The following SLC6A14 variants were observed in gnomAD, a reference collection of about 807,000 sequenced individuals.
SLC6A14 encodes the protein sodium- and chloride-dependent neutral and basic amino acid transporter B(0+).
Under a neutral mutation model 51.4 loss-of-function variants are expected in SLC6A14, and 21 were observed. That is an observed-to-expected ratio of 0.41 (90% CI 0.29 to 0.59). The LOEUF (loss-of-function observed/expected upper bound fraction) is 0.59, where lower values mean the gene tolerates loss of function less well. Ranked by LOEUF, SLC6A14 falls within the 20% of genes least tolerant of loss-of-function variation. The probability of loss-of-function intolerance (pLI) is 0.31; values close to 1 mark genes in which losing one functional copy is unlikely to be tolerated. For missense variants in SLC6A14, 371 were observed against 472.8 expected (o/e 0.78, Z 2.00); for synonymous variants, 177 against 160.7 (o/e 1.10, Z -0.77).
rs1231603549 is a variant in SLC6A14 at position 116,436,681 on chromosome X, C to T, written c.-29C>T. On this transcript the variant is annotated 5_prime_UTR_variant, in exon 1 of 14. Transcript: ENST00000598581. ...AGCTCAGCCAGACTGCAAGAGGAGG[C>T]GAGGCGGAGCCAGCCGAGGGAGTGA... is the stretch of plus-strand genomic sequence containing the variant. 47 of 1,155,972 alleles carry T rather than the reference C, an allele frequency of 4.1e-5. No individual in the cohort carries two copies. Among genetic ancestry groups the T allele is most frequent in the Non-Finnish European group, 5.4e-5 (47 of 866,765 alleles).
Position 116,453,068 on chromosome X carries a change from GTGGTCCATTT to G in SLC6A14, c.1220_1229del (p.Phe407TyrfsTer8). On this transcript the variant is annotated frameshift_variant, in exon 9 of 14. Coordinates refer to ENST00000598581, the MANE Select transcript of SLC6A14 (RefSeq NM_007231.5). LOFTEE classifies it high-confidence loss of function. ...CCAGAGGCTCTAGCCCAACTCCCAG[GTGGTCCATTT>G]TGGTCCATATTATTTTTTTTCATGC... 1 of 1,199,479 alleles carries G rather than the reference GTGGTCCATTT, an allele frequency of 8.3e-7. No individual in the cohort carries two copies. The highest frequency in any genetic ancestry group is 1.1e-6 in the Non-Finnish European group (1 of 887,015).
chrX:116,441,771 T>C (rs1556693689), intron 3 of SLC6A14, among the ~76,000 whole-genome samples: 1 of 111,891 alleles, frequency 8.9e-6, no homozygotes, highest in Non-Finnish European at 1.9e-5. Flanking sequence ...TGGAGTTATA[T>C]TCAGCACGCT....
intron 10 of SLC6A14, among the ~76,000 whole-genome samples, 189 bp downstream of exon 10, chrX:116,454,631 A>G (rs1234647712): frequency 9.0e-6 from 1 of 110,921 alleles, no homozygotes; most frequent in African/African-American, 3.3e-5. Context: ...GCAGATGAGG[A>G]GGCCGAATAA....
In SLC6A14 at chrX:116,460,241, T is replaced by G. The variant is rs1391416033; in HGVS notation, c.*1286T>G. ...GAGAGTCCGTAGGTTTATCAGAATA[T>G]CAAGGAAAACTGTGACCCAAAGAAG... On this transcript the variant is annotated 3_prime_UTR_variant, in exon 14 of 14. Transcript: ENST00000598581. The G allele has an allele frequency of 2.7e-5, 3 of 111,757 alleles. No individual in the cohort carries two copies. The highest frequency in any genetic ancestry group is 3.8e-5 in the Non-Finnish European group (2 of 53,129). 9.2% of individuals were successfully genotyped at this position (111,757 alleles called of 1,213,427 possible).
intron 5 of SLC6A14, among the ~76,000 whole-genome samples, chrX:116,444,638 A>C (rs1251478178): frequency 1.8e-5 from 2 of 111,945 alleles, no homozygotes; most frequent in African/African-American, 3.2e-5. Flanking sequence ...ATCTTGAAAC[A>C]GAGGAAAGTA....
intron 4 of SLC6A14, among the ~76,000 whole-genome samples, chrX:116,443,051 C>A (rs782290997): frequency 9.1e-6 from 1 of 110,478 alleles, no homozygotes; most frequent in Non-Finnish European, 1.9e-5. Flanking sequence ...TAAATCATGC[C>A]TAAGAGTACT....
chrX:116,446,725 T>A lies in SLC6A14; in HGVS notation c.790-16T>A, dbSNP rs781974974. ...TTAAAAATAATTTACTAATTTTTGG[T>A]TACTTTTCTTGGTAGGTGGTATATT... On this transcript the variant is annotated splice_polypyrimidine_tract_variant and intron_variant, in intron 6 of 13. Transcript: ENST00000598581. 1 of 1,182,146 alleles carries A rather than the reference T, an allele frequency of 8.5e-7. No individual in the cohort carries two copies. Among genetic ancestry groups the A allele is most frequent in the South Asian group, 1.8e-5 (1 of 55,578 alleles).
rs1556694872 is a variant in SLC6A14 at position 116,457,702 on chromosome X, A to T, written c.1708A>T (p.Ile570Phe). Residue 570 changes from isoleucine (I) to phenylalanine (F), a missense_variant, in exon 13 of 14, where the codon ATT (isoleucine) becomes TTT (phenylalanine). This residue lies in a region of SLC6A14 where 94 missense variants were observed against 81.0 expected (regional missense o/e 1.16). Transcript: ENST00000598581. The stretch of plus-strand genomic sequence containing the variant: ...GGGAGTTGCTTTAGGCTGGTGTATG[A>T]TTGTTTTCTGCATTATTTGGATTCC... ...DWGVALGWCM[I>F]VFCIIWIPIM... The T allele has an allele frequency of 8.3e-7, 1 of 1,202,103 alleles. No homozygotes were observed. Among genetic ancestry groups the T allele is most frequent in the Non-Finnish European group, 1.1e-6 (1 of 886,904 alleles).
intron 3 of SLC6A14, among the ~76,000 whole-genome samples, chrX:116,442,076 G>A (rs1463357332): frequency 9.0e-6 from 1 of 111,212 alleles, no homozygotes; most frequent in Admixed American, 9.6e-5. Context: ...AATAAACATG[G>A]GTTTTTCTTT....
chrX:116,451,764 C>G (rs1927829522), intron 8 of SLC6A14, 94 bp downstream of exon 8: 2 of 500,877 alleles, frequency 4.0e-6, no homozygotes, highest in Admixed American at 8.3e-5. Flanking sequence ...TTGACACAGT[C>G]ATGATTTAGA....
chrX:116,447,852 C>T (rs781894221), intron 7 of SLC6A14, among the ~76,000 whole-genome samples: 39 of 111,401 alleles, frequency 3.5e-4, no homozygotes, highest in Admixed American at 1.9e-3. Flanking sequence ...CCGCCTTGGC[C>T]TCCCAAAGTG....
intron 7 of SLC6A14, among the ~76,000 whole-genome samples, chrX:116,448,540 G>C (rs1356498510): frequency 1.8e-5 from 2 of 111,773 alleles, no homozygotes; most frequent in African/African-American, 6.5e-5. Context: ...GATAAATTAT[G>C]TTAATGTACT....
chrX:116,439,673 A>G (rs1556693518), intron 2 of SLC6A14, among the ~76,000 whole-genome samples: 2 of 111,348 alleles, frequency 1.8e-5, no homozygotes, highest in Non-Finnish European at 3.8e-5. Context: ...TTTAACAAAA[A>G]ATACCTGTTC....
intron 11 of SLC6A14, 49 bp from the exon 12 acceptor site, chrX:116,455,308 C>A: frequency 9.8e-7 from 1 of 1,017,410 alleles, no homozygotes; most frequent in South Asian, 2.0e-5. Flanking sequence ...ATAATGGTTA[C>A]TGGAAGAAAA....
chrX:116,444,944 G>A lies in SLC6A14; in HGVS notation c.683G>A (p.Gly228Glu), dbSNP rs782135619. 9.1e-6 allele frequency: 11 copies of A among 1,208,046 alleles called. No individual in the cohort carries two copies. Among genetic ancestry groups the A allele is most frequent in the Non-Finnish European group, 1.2e-5 (11 of 893,676 alleles). Residue 228 changes from glycine to glutamate, a missense_variant, in exon 6 of 14, where the codon GGA becomes GAA. Gly to Glu is a moderately conservative substitution (Grantham distance 98). This residue lies in a region of SLC6A14 where 277 missense variants were observed against 391.8 expected (regional missense o/e 0.71). Transcript: ENST00000598581. Reference sequence around the variant, plus strand: ...AAAGTGGCGCTCCAACGGTCAAGTGGAATGAATGAGACTGGAGTAATTGTT... The same window carrying A: ...AAAGTGGCGCTCCAACGGTCAAGTGAAATGAATGAGACTGGAGTAATTGTT... Reference protein sequence around the residue: ...WNKVALQRSSGMNETGVIVWY... With the variant: ...WNKVALQRSSEMNETGVIVWY...
At position 116,436,755 on chromosome X, in the gene SLC6A14, G is replaced by C; in HGVS notation, c.46G>C (p.Glu16Gln). The change falls in exon 1 of 14, where the codon GAG (glutamate) becomes CAG (glutamine). Residue 16 changes from glutamate (E) to glutamine (Q), a missense_variant and splice_region_variant. Glu to Gln is a conservative substitution (Grantham distance 29). Around this residue, in one of 2 missense-constraint regions of SLC6A14, gnomAD observed 277 missense variants for 391.8 expected, o/e 0.71. Coordinates refer to ENST00000598581, the MANE Select transcript of SLC6A14 (RefSeq NM_007231.5). ...GAGTTTCTTCAAGTGCAGGGAGAAGGAGGTAGGGGTCTGGGAGCTGCGGGA... is the reference window on the plus strand; with the variant it reads ...GAGTTTCTTCAAGTGCAGGGAGAAGCAGGTAGGGGTCTGGGAGCTGCGGGA... Reference protein sequence around the residue: ...CPSFFKCREKEKVSASSENFH... With the variant: ...CPSFFKCREKQKVSASSENFH... 1 of 1,165,693 alleles carries C rather than the reference G, an allele frequency of 8.6e-7. No homozygotes were observed. The highest frequency in any genetic ancestry group is 1.1e-6 in the Non-Finnish European group (1 of 871,699).
chrX:116,443,621 C>G, intron 4 of SLC6A14, 22 bp from the exon 5 acceptor site: 1 of 1,067,079 alleles, frequency 9.4e-7, no homozygotes. Context: ...ATGTCTGTGT[C>G]TATATTTTTT....
chrX:116,448,977 T>C (rs782784024), intron 7 of SLC6A14, among the ~76,000 whole-genome samples: 2 of 111,692 alleles, frequency 1.8e-5, no homozygotes, highest in South Asian at 7.5e-4. Flanking sequence ...GATTTTTTTT[T>C]ATTCCTCACA....
chrX:116,445,439 A>G (rs542342842), intron 6 of SLC6A14, among the ~76,000 whole-genome samples: 1 of 98,301 alleles, frequency 1.0e-5, no homozygotes, highest in African/African-American at 3.8e-5. Context: ...GAGTAATAGT[A>G]TCAGGAATCC....
Sources: gnomAD v4.1 joint callset for allele counts (sites outside exome capture counted in the v4.1 genomes callset) on GRCh38, gnomAD v4.1.1 for gene constraint, gnomAD v4.1.1 regional missense constraint, MANE v1.5 for transcripts, NCBI Gene and HGNC (gene_info 2026-07-23, HGNC 2026-07-21) for gene names.